Variants in LAMB4 observed in about 807,000 individuals in gnomAD.
LAMB4 encodes laminin subunit beta-4.
LAMB4 carries 196 observed loss-of-function variants against 199.2 expected under a neutral mutation model. That is an observed-to-expected ratio of 0.98 (90% CI 0.88 to 1.11). The LOEUF (loss-of-function observed/expected upper bound fraction) is 1.11, where lower values mean the gene tolerates loss of function less well. Ranked by LOEUF, LAMB4 falls within the 50% of genes least tolerant of loss-of-function variation. The probability of loss-of-function intolerance (pLI) is 0.00; values close to 1 mark genes in which losing one functional copy is unlikely to be tolerated. For synonymous variants in LAMB4, 744 were observed against 770.6 expected, an observed-to-expected ratio of 0.97 and a Z score of 0.57; for missense variants, 2,080 against 2,171.2, an observed-to-expected ratio of 0.96 and a Z score of 0.83.
At position 108,069,211 on chromosome 7, in the gene LAMB4, AG is replaced by A. The variant is rs2036448025; in HGVS notation, c.2302+496del. Among the ~76,000 whole-genome samples the A allele has an allele frequency of 2.0e-5, 3 of 152,318 alleles. No homozygotes were observed. The Middle Eastern group carries it at 0.01, about 518-fold the overall frequency. ...GGAGACATTTTTGGATGTCACAACT[AG>A]GGGAGGGCAGTACCGGTATAGGATC... On this transcript the variant is annotated intron_variant, in intron 18 of 33. Transcript: ENST00000388781.
At chr7:108,046,997 G>C (rs2035650074) in intron 28 of LAMB4, among the ~76,000 whole-genome samples, 1 of 151,656 alleles carries the variant, frequency 6.6e-6, no homozygotes, top group African/African-American at 2.4e-5. Context: ...GAACCCCTGG[G>C]CTCAAGGGAT....
At chr7:108,086,954 C>T (rs1200146873) in intron 14 of LAMB4, among the ~76,000 whole-genome samples, 3 of 152,090 alleles carry the variant, frequency 2.0e-5, no homozygotes, top group Non-Finnish European at 2.9e-5. Flanking sequence ...AGGGGACTAG[C>T]GACTCATTCC....
intron 30 of LAMB4, among the ~76,000 whole-genome samples, chr7:108,035,068 C>A (rs1252374324): frequency 2.6e-5 from 4 of 152,118 alleles, no homozygotes; most frequent in African/African-American, 9.7e-5. Context: ...CCCAGCCTAT[C>A]CTTTCCTCCA....
chr7:108,103,228 G>A lies in LAMB4; in HGVS notation c.996C>T (p.Cys332=). Residue 332 remains cysteine, a synonymous_variant, in exon 10 of 34, where the codon TGC becomes TGT. Transcript: ENST00000388781. ...AGCGGCTGGAGTGGCTATTACAGCTGCACGCTGAAAGGAGAAGACAGTGAC... is the reference window on the plus strand; with the variant it reads ...AGCGGCTGGAGTGGCTATTACAGCTACACGCTGAAAGGAGAAGACAGTGAC... ...ADLQDNACRS[C]SCNSHSSRCH... The A allele has an allele frequency of 1.3e-6, 2 of 1,552,856 alleles. No individual in the cohort carries two copies. The highest frequency in any genetic ancestry group is 8.7e-7 in the Non-Finnish European group (1 of 1,147,332).
rs34249069 is a variant in LAMB4, at chr7:108,094,577, GTT to G, written c.1470+649_1470+650del. ...CTTTTATTAGGTTAAGATTTTGTGG[GTT>G]TTTTTTTTTTCTCTCTAAAATGTCA... On this transcript the variant is annotated intron_variant, in intron 12 of 33. Coordinates refer to ENST00000388781, the MANE Select transcript of LAMB4 (RefSeq NM_007356.3). 8.7e-4 allele frequency among the ~76,000 whole-genome samples: 127 copies of G among 146,558 alleles called. 2 individuals carry two copies. The highest frequency in any genetic ancestry group is 1.9e-3 in the South Asian group (9 of 4,638).
At chr7:108,069,004 T>TTA (rs1431357964) in intron 18 of LAMB4, among the ~76,000 whole-genome samples, 1 of 152,140 alleles carries the variant, frequency 6.6e-6, no homozygotes, top group East Asian at 1.9e-4. Flanking sequence ...TAGTTTTTTA[T>TTA]TTCCCCCTAT....
At chr7:108,021,010 A>G (rs899633269), downstream of LAMB4, among the ~76,000 whole-genome samples, 1 of 152,256 alleles carries the variant, frequency 6.6e-6, no homozygotes, top group African/African-American at 2.4e-5. Context: ...GGAGCAGTAG[A>G]GAAAGCAGAT....
At chr7:108,064,893 CTTTT>C (rs59452561) in intron 21 of LAMB4, among the ~76,000 whole-genome samples, 1 of 138,814 alleles carries the variant, frequency 7.2e-6, no homozygotes, top group African/African-American at 2.7e-5. Flanking sequence ...GTGTAAATAC[CTTTT>C]TTTTTTTTTT....
chr7:108,099,062 G>A (rs1317977736), intron 10 of LAMB4, among the ~76,000 whole-genome samples: 2 of 152,168 alleles, frequency 1.3e-5, no homozygotes, highest in East Asian at 1.9e-4. Flanking sequence ...TCTCTGAAAC[G>A]TGCTTAAAAA....
chr7:108,042,350 T>A (rs2035447678), intron 29 of LAMB4, among the ~76,000 whole-genome samples: 1 of 151,954 alleles, frequency 6.6e-6, no homozygotes. Context: ...GTAAAATATT[T>A]ATTAGAAACG....
chr7:108,102,010 T>C (rs2037830893), intron 10 of LAMB4, among the ~76,000 whole-genome samples: 1 of 152,056 alleles, frequency 6.6e-6, no homozygotes, highest in South Asian at 2.1e-4. Flanking sequence ...TTGGCGTGAG[T>C]GGCCATTGGC....
At chr7:108,110,244 G>A (rs2038172823) in intron 4 of LAMB4, among the ~76,000 whole-genome samples, 1 of 152,140 alleles carries the variant, frequency 6.6e-6, no homozygotes, top group African/African-American at 2.4e-5. Flanking sequence ...GGCCAGGCTG[G>A]TCTCAAACTC....
chr7:108,104,707 C>G (rs1221618667), intron 8 of LAMB4, 88 bp from the exon 9 acceptor site: 1 of 1,466,484 alleles, frequency 6.8e-7, no homozygotes, highest in Non-Finnish European at 9.3e-7. Context: ...ATACCAGGTC[C>G]TGGTACCTCT....
At position 108,106,030 on chromosome 7, in the gene LAMB4, G is replaced by C; in HGVS notation, c.657C>G (p.Asp219Glu). 3 of 1,612,194 alleles carry C rather than the reference G, an allele frequency of 1.9e-6. No homozygotes were observed. The highest frequency in any genetic ancestry group is 1.7e-6 in the Non-Finnish European group (2 of 1,178,284). ...TCCTCAGGTTTGTCAATGTCACAAGGTCTAAAGAAAGGAAAATAATGAATC... is the reference window on the plus strand; with the variant it reads ...TCCTCAGGTTTGTCAATGTCACAAGCTCTAAAGAAAGGAAAATAATGAATC... ...IENPYSPYIQDLVTLTNLRIN... is the reference protein window; with the variant it reads ...IENPYSPYIQELVTLTNLRIN... The change falls in exon 8 of 34, where the codon GAC becomes GAG. Residue 219 changes from aspartate (D) to glutamate (E), a missense_variant and splice_region_variant. Asp to Glu is a conservative substitution (Grantham distance 45). Coordinates refer to ENST00000388781, the MANE Select transcript of LAMB4 (RefSeq NM_007356.3).
In LAMB4 at chr7:108,129,979, AAAAC is replaced by A. The variant is rs1291602929; in HGVS notation, c.-34+323_-34+326del. On this transcript the variant is annotated intron_variant, in intron 1 of 33. Coordinates refer to ENST00000388781, the MANE Select transcript of LAMB4 (RefSeq NM_007356.3). ...TGTCATAAGTTTTATAACCATAACA[AAAAC>A]AAACATTTGCTGAAAACACAATACA... 2.1e-4 allele frequency among the ~76,000 whole-genome samples: 32 copies of A among 152,376 alleles called. No homozygotes were observed. The South Asian group carries it at 2.3e-3, about 11-fold the overall frequency.
rs773595098 is a variant in LAMB4 at position 108,105,983 on chromosome 7, G to C, written c.704C>G (p.Thr235Ser). The C allele has an allele frequency of 1.9e-6, 3 of 1,614,170 alleles. No individual in the cohort carries two copies. Among genetic ancestry groups the C allele is most frequent in the Non-Finnish European group, 2.5e-6 (3 of 1,179,998 alleles). Residue 235 changes from threonine (T) to serine (S), a missense_variant, in exon 8 of 34, where the codon ACC becomes AGC. Physicochemically the swap from Thr to Ser is moderately conservative, Grantham distance 58. Coordinates refer to ENST00000388781, the MANE Select transcript of LAMB4 (RefSeq NM_007356.3). Reference sequence around the variant, plus strand: ...CCTTCCAAGCAAAGCATCCCCAAGGGTGTGGAGCTTGGTAAAGTTTATCCT... The same window carrying C: ...CCTTCCAAGCAAAGCATCCCCAAGGCTGTGGAGCTTGGTAAAGTTTATCCT... Reference protein sequence around the residue: ...NLRINFTKLHTLGDALLGRRQ... With the variant: ...NLRINFTKLHSLGDALLGRRQ...
chr7:108,110,944 C>T (rs1252059312), intron 4 of LAMB4, among the ~76,000 whole-genome samples: 1 of 132,796 alleles, frequency 7.5e-6, no homozygotes, highest in Non-Finnish European at 1.6e-5. Flanking sequence ...TGATTATTCC[C>T]ACACTCCCTT....
chr7:108,054,034 GTTTTTA>G (rs2035905446), intron 25 of LAMB4, among the ~76,000 whole-genome samples: 1 of 152,140 alleles, frequency 6.6e-6, no homozygotes, highest in African/African-American at 2.4e-5. Context: ...TTGCTTTTTT[GTTTTTA>G]GAGACAGGGT....
chr7:108,106,924 TC>T (rs2038039861), intron 6 of LAMB4, among the ~76,000 whole-genome samples: 1 of 152,100 alleles, frequency 6.6e-6, no homozygotes, highest in Admixed American at 6.5e-5. Context: ...AGCCATTGCT[TC>T]CCAGCTGGCA....
Sources: gnomAD v4.1 joint callset for allele counts (sites outside exome capture counted in the v4.1 genomes callset) on GRCh38, gnomAD v4.1.1 for gene constraint, MANE v1.5 for transcripts, NCBI Gene and HGNC (gene_info 2026-07-23, HGNC 2026-07-21) for gene names.